The following HMGCLL1 variants were observed in gnomAD, a reference collection of about 807,000 sequenced individuals.
HMGCLL1 encodes 3-hydroxymethyl-3-methylglutaryl-CoA lyase, cytoplasmic.
A neutral mutation model predicts 39.1 loss-of-function variants in HMGCLL1; 36 were observed. That is an observed-to-expected ratio of 0.92 (90% CI 0.71 to 1.22). HMGCLL1 has a LOEUF of 1.22. HMGCLL1 is among the 50% of genes most tolerant of loss of function. HMGCLL1 has a pLI of 0.00. For missense variants in HMGCLL1, 451 were observed against 416.5 expected, an observed-to-expected ratio of 1.08 and a Z score of -0.72; for synonymous variants, 149 against 144.0, an observed-to-expected ratio of 1.03 and a Z score of -0.25.
At chr6:55,510,683 C>T (rs1173166546) in intron 5 of HMGCLL1, among the ~76,000 whole-genome samples, 1 of 149,512 alleles carries the variant, frequency 6.7e-6, no homozygotes, top group African/African-American at 2.5e-5. Flanking sequence ...AGAGATATAC[C>T]TAATGCTAAA....
the HMGCLL1 span, among the ~76,000 whole-genome samples, chr6:55,659,389 A>G: frequency 6.6e-6 from 1 of 151,910 alleles, no homozygotes; most frequent in Non-Finnish European, 1.5e-5. Context: ...ATTAAAATTT[A>G]TTTCCCACTT....
chr6:55,599,942 T>C, the HMGCLL1 span, among the ~76,000 whole-genome samples: 1 of 152,194 alleles, frequency 6.6e-6, no homozygotes, highest in South Asian at 2.1e-4. Context: ...GTTGGCTATC[T>C]TGTCCATATT....
chr6:55,630,172 G>T, the HMGCLL1 span, among the ~76,000 whole-genome samples: 1 of 152,170 alleles, frequency 6.6e-6, no homozygotes, highest in Admixed American at 6.6e-5. Flanking sequence ...CACAGGGGTG[G>T]AGCTGCCTAA....
intron 7 of HMGCLL1, among the ~76,000 whole-genome samples, chr6:55,474,714 T>C (rs1392878258): frequency 1.3e-5 from 2 of 151,626 alleles, no homozygotes; most frequent in South Asian, 2.1e-4. Context: ...GTTGAAAGCC[T>C]ACACATTGTA....
chr6:55,588,356 C>T, the HMGCLL1 span, among the ~76,000 whole-genome samples: 658 of 151,708 alleles, frequency 4.3e-3, 5 homozygotes, highest in African/African-American at 0.015. Flanking sequence ...TTGAAACCAT[C>T]GAGAAAAAAG....
chr6:55,666,655 A>T, the HMGCLL1 span, among the ~76,000 whole-genome samples: 3 of 151,718 alleles, frequency 2.0e-5, no homozygotes, highest in Admixed American at 2.0e-4. Context: ...GGACTCACAC[A>T]GATATTCTTT....
At chr6:55,538,442 A>G (rs753996374) in intron 3 of HMGCLL1, among the ~76,000 whole-genome samples, 4 of 152,180 alleles carry the variant, frequency 2.6e-5, no homozygotes, top group Non-Finnish European at 5.9e-5. Flanking sequence ...ATGAAGATAT[A>G]AAGACAATAA....
At chr6:55,516,681 A>ATAGT in intron 3 of HMGCLL1, 78 bp from the exon 4 acceptor site, 1 of 909,572 alleles carries the variant, frequency 1.1e-6, no homozygotes, top group Admixed American at 1.8e-5. Context: ...CAGGTAGGTT[A>ATAGT]TAGTTACATG....
At chr6:55,444,763 A>C (rs9475293) in intron 7 of HMGCLL1, among the ~76,000 whole-genome samples, 45,878 of 151,880 alleles carry the variant, frequency 0.3, 7,325 homozygotes, top group African/African-American at 0.42. Context: ...TGGAAATTTT[A>C]ACCTGTAGTA....
At chr6:55,664,093 C>T in the HMGCLL1 span, among the ~76,000 whole-genome samples, 4 of 151,950 alleles carry the variant, frequency 2.6e-5, no homozygotes, top group Middle Eastern at 3.4e-3. Context: ...CTCTTGAAGA[C>T]AGCATACCGT....
intron 7 of HMGCLL1, among the ~76,000 whole-genome samples, chr6:55,458,101 G>A (rs555148162): frequency 6.6e-6 from 1 of 152,236 alleles, no homozygotes; most frequent in East Asian, 1.9e-4. Context: ...TCCATTGAAA[G>A]TGTAATACCA....
At chr6:55,634,648 T>C in the HMGCLL1 span, among the ~76,000 whole-genome samples, 1 of 152,134 alleles carries the variant, frequency 6.6e-6, no homozygotes, top group African/African-American at 2.4e-5. Context: ...TGTTAATATG[T>C]TTCCCAAATT....
chr6:55,487,470 C>T (rs545495075), intron 7 of HMGCLL1, among the ~76,000 whole-genome samples: 23 of 151,982 alleles, frequency 1.5e-4, no homozygotes, highest in African/African-American at 4.6e-4. Flanking sequence ...TGACAGGCCC[C>T]GGTGTGTGAT....
At chr6:55,476,175 T>G (rs1765275884) in intron 7 of HMGCLL1, among the ~76,000 whole-genome samples, 1 of 151,618 alleles carries the variant, frequency 6.6e-6, no homozygotes, top group African/African-American at 2.4e-5. Flanking sequence ...AAAACTGGTA[T>G]TTGTTCAATA....
At chr6:55,550,825 C>T (rs887306976) in intron 1 of HMGCLL1, among the ~76,000 whole-genome samples, 1 of 151,524 alleles carries the variant, frequency 6.6e-6, no homozygotes, top group African/African-American at 2.4e-5. Flanking sequence ...AATTGCTGGG[C>T]ACTACTGGCA....
intron 7 of HMGCLL1, among the ~76,000 whole-genome samples, chr6:55,471,412 A>T (rs961707567): frequency 4.0e-5 from 6 of 151,894 alleles, no homozygotes; most frequent in African/African-American, 1.4e-4. Context: ...CAAGAGATTT[A>T]CCAGGTATAT....
the HMGCLL1 span, among the ~76,000 whole-genome samples, chr6:55,650,057 T>TTATATATA: frequency 1.1e-3 from 82 of 76,054 alleles, 3 homozygotes; most frequent in African/African-American, 3.5e-3. Flanking sequence ...GTCTGAAAGG[T>TTATATATA]TATATATATA....
intron 1 of HMGCLL1, among the ~76,000 whole-genome samples, chr6:55,547,414 G>T (rs1288506133): frequency 6.6e-6 from 1 of 151,948 alleles, no homozygotes; most frequent in African/African-American, 2.4e-5. Flanking sequence ...AATGGTAATA[G>T]ATATGATTGC....
the HMGCLL1 span, among the ~76,000 whole-genome samples, chr6:55,590,284 T>TAA: frequency 2.5e-4 from 36 of 146,402 alleles, no homozygotes; most frequent in South Asian, 1.1e-3. Flanking sequence ...ACAAACCTAA[T>TAA]AAAAAAAAAA....
Sources: gnomAD v4.1 joint callset for allele counts (sites outside exome capture counted in the v4.1 genomes callset) on GRCh38, gnomAD v4.1.1 for gene constraint, MANE v1.5 for transcripts, NCBI Gene and HGNC (gene_info 2026-07-23, HGNC 2026-07-21) for gene names.